Variants in SETD1B observed in about 807,000 individuals in gnomAD.
The protein encoded by SETD1B is SET domain containing 1B, histone lysine methyltransferase.
In SETD1B, 7 loss-of-function variants were observed where a neutral mutation model predicts 148.0. The observed-to-expected ratio is 0.05, with a 90% CI of 0.03 to 0.09. The LOEUF (loss-of-function observed/expected upper bound fraction) is 0.09, where lower values mean the gene tolerates loss of function less well. SETD1B is among the 10% of genes least tolerant of loss of function. The pLI is 1.00. For synonymous variants in SETD1B, 1,361 were observed against 1,186.5 expected (o/e 1.15, Z -3.02); for missense variants, 2,155 against 2,729.9 (o/e 0.79, Z 4.69).
intron 7 of SETD1B, among the ~76,000 whole-genome samples, chr12:121,816,262 T>G (rs1044960310): frequency 3.4e-5 from 5 of 147,004 alleles, no homozygotes; most frequent in African/African-American, 1.2e-4. Context: ...TCCACCCCAT[T>G]CCCCCCTGCT....
Position 121,810,007 on chromosome 12 carries a change from C to A in SETD1B, c.1062C>A (p.Phe354Leu), listed in dbSNP as rs977165817. The change falls in exon 6 of 17, where the codon TTC (phenylalanine) becomes TTA (leucine). Residue 354 changes from phenylalanine to leucine, a missense_variant. Phe to Leu is a conservative substitution (Grantham distance 22). This residue lies in a region of SETD1B where 376 missense variants were observed against 385.0 expected (regional missense o/e 0.98). Coordinates refer to ENST00000604567, the MANE Select transcript of SETD1B (RefSeq NM_001353345.2). This position sits in a 1 kb window ranked among gnomAD's most constrained non-coding sequence, Gnocchi z 7.6. ...TCCGGGGTTCCTCGGACCTCCCGTT[C>A]GGAGCAGTCGGCGGCACTGGGGGCA... ...AAFRGSSDLP[F>L]GAVGGTGGSS... 1.3e-6 allele frequency: 2 copies of A among 1,550,436 alleles called. No individual in the cohort carries two copies. The highest frequency in any genetic ancestry group is 2.4e-5 in the South Asian group (2 of 84,058).
chr12:121,822,816 C>T lies in SETD1B; in HGVS notation c.4237C>T (p.Pro1413Ser). Residue 1413 changes from proline (P) to serine (S), a missense_variant, in exon 12 of 17, where the codon CCG (proline) becomes TCG (serine). Pro to Ser is a moderately conservative substitution (Grantham distance 74). Coordinates refer to ENST00000604567, the MANE Select transcript of SETD1B (RefSeq NM_001353345.2). ...CGGCAGCCCCTTCTCCTACCCAGCC[C>T]CGTCCCCTAGCTTGAGCAGTGGGGG... ...VPGSPFSYPA[P>S]SPSLSSGGLP... 6.6e-7 allele frequency: 1 copy of T among 1,504,624 alleles called. No homozygotes were observed. The highest frequency in any genetic ancestry group is 8.9e-7 in the Non-Finnish European group (1 of 1,120,894). The allele number at this position is 1,504,624 out of a possible 1,614,324, so 93.2% of individuals were successfully genotyped here. A position where few individuals can be genotyped will look rare whatever the true frequency, so the allele number is the denominator to read the frequency against.
In SETD1B at chr12:121,819,013, G is replaced by C. The variant is rs141543853; in HGVS notation, c.3419-391G>C. 5.7e-3 allele frequency among the ~76,000 whole-genome samples: 875 copies of C among 152,306 alleles called. 7 individuals are homozygous for C. The highest frequency in any genetic ancestry group is 0.02 in the African/African-American group (838 of 41,558). On this transcript the variant is annotated intron_variant, in intron 10 of 16. Coordinates refer to ENST00000604567, the MANE Select transcript of SETD1B (RefSeq NM_001353345.2). ...TAATCCCAGCACTTTGGGAGGCTGA[G>C]GCAAGTGGATCACCTGAGGTCAGGA...
intron 13 of SETD1B, 80 bp downstream of exon 13, chr12:121,825,446 G>A: frequency 7.2e-7 from 1 of 1,383,638 alleles, no homozygotes; most frequent in Non-Finnish European, 9.7e-7. Flanking sequence ...AGGGGTGCCA[G>A]GCAGAGGGAG....
At position 121,824,979 on chromosome 12, in the gene SETD1B, CAAA is replaced by C. The variant is rs780514725; in HGVS notation, c.5171-202_5171-200del. Among the ~76,000 whole-genome samples the C allele has an allele frequency of 6.6e-4, 38 of 57,166 alleles. No individual in the cohort carries two copies. The East Asian group carries it at 0.013, about 19-fold the overall frequency. The allele number at this position is 57,166 out of a possible 152,430, so 37.5% of individuals were successfully genotyped here. A position where few individuals can be genotyped will look rare whatever the true frequency, so the allele number is the denominator to read the frequency against. On this transcript the variant is annotated intron_variant, in intron 12 of 16. Coordinates refer to ENST00000604567, the MANE Select transcript of SETD1B (RefSeq NM_001353345.2). ...GCCTGGGCAACAGGAGACCCTGTCTCAAAAAAAAAAAAAAAAAAAAAGACACCT... is the reference window on the plus strand; with the variant it reads ...GCCTGGGCAACAGGAGACCCTGTCTCAAAAAAAAAAAAAAAAAAGACACCT...
the SETD1B span, chr12:121,793,806 C>T: frequency 1.1e-4 from 60 of 537,186 alleles, no homozygotes; most frequent in Non-Finnish European, 1.8e-4. Context: ...GGTCTCAGCC[C>T]TGGGTGTGGG....
upstream of SETD1B, chr12:121,802,598 G>A (rs1377388593): frequency 6.6e-6 from 1 of 151,798 alleles, no homozygotes; most frequent in Non-Finnish European, 1.5e-5. Context: ...CCCACCCATA[G>A]AACAAAAAGA....
rs1036089171 is a variant in SETD1B at position 121,823,197 on chromosome 12, C to T, written c.4618C>T (p.Pro1540Ser). 3.2e-6 allele frequency: 5 copies of T among 1,548,668 alleles called. No individual in the cohort carries two copies. In the African/African-American group the frequency reaches 5.5e-5, roughly 17 times the overall value. ...CTTGGATGGGCCCTTGGTCCGACCA[C>T]CAGCAGGGGCCGCCCTTGGAAGGGA... ...LSLDGPLVRP[P>S]AGAALGRELL... Residue 1540 changes from proline (P) to serine (S), a missense_variant, in exon 12 of 17, where the codon CCA becomes TCA. This residue lies in a region of SETD1B where 862 missense variants were observed against 873.8 expected (regional missense o/e 0.99). Transcript: ENST00000604567.
upstream of SETD1B, chr12:121,800,791 A>C (rs1198623433): frequency 6.7e-6 from 1 of 149,096 alleles, no homozygotes; most frequent in African/African-American, 2.4e-5. Flanking sequence ...CGGCCCCCGA[A>C]ACGGCCCCCG....
Position 121,810,739 on chromosome 12 carries a change from A to G in SETD1B, c.1794A>G (p.Pro598=). ...TTGGGCCTCGGCCTCCACCTGAGCCAGGCCCCCCGGACCCTGCTGGGCTTC... is the reference window on the plus strand; with the variant it reads ...TTGGGCCTCGGCCTCCACCTGAGCCGGGCCCCCCGGACCCTGCTGGGCTTC... The part of the protein sequence containing the change: ...LGLGPRPPPE[P]GPPDPAGLLS... The change falls in exon 6 of 17, where the codon CCA becomes CCG. Residue 598 remains proline (P), a synonymous_variant. Transcript: ENST00000604567. The surrounding 1 kb of genome is among the most constrained non-coding windows in gnomAD (Gnocchi z 7.6). The G allele has an allele frequency of 6.4e-7, 1 of 1,551,146 alleles. No individual in the cohort carries two copies. Among genetic ancestry groups the G allele is most frequent in the South Asian group, 1.2e-5 (1 of 83,986 alleles).
chr12:121,820,656 C>G (rs1241245721), intron 11 of SETD1B, among the ~76,000 whole-genome samples: 1 of 152,200 alleles, frequency 6.6e-6, no homozygotes, highest in African/African-American at 2.4e-5. Flanking sequence ...GCCTCAGCCT[C>G]CAGAGTAGCT....
chr12:121,820,619 C>T lies in SETD1B; in HGVS notation c.3910+724C>T, dbSNP rs556823391. Among the ~76,000 whole-genome samples the T allele has an allele frequency of 9.2e-5, 14 of 152,170 alleles. No homozygotes were observed. In the South Asian group the frequency reaches 1.9e-3, roughly 20 times the overall value. On this transcript the variant is annotated intron_variant, in intron 11 of 16. Transcript: ENST00000604567. ...CACGATCTCGGCTCACCGCAAGCTC[C>T]GCCTCCCAGGTTCACGCCATTCTCC... is the stretch of plus-strand genomic sequence containing the variant.
At chr12:121,811,013 G>A (rs1245826879) in intron 6 of SETD1B, among the ~76,000 whole-genome samples, 178 bp downstream of exon 6, 7 of 152,266 alleles carry the variant, frequency 4.6e-5, no homozygotes, top group Non-Finnish European at 1.5e-5. Flanking sequence ...CAGGGGCTGT[G>A]ATTGAGCAAT....
chr12:121,815,060 T>G (rs1876226061), intron 7 of SETD1B, 130 bp downstream of exon 7: 1 of 845,210 alleles, frequency 1.2e-6, no homozygotes, highest in African/African-American at 1.7e-5. Flanking sequence ...GAGCTCCATT[T>G]CATGTGGCCA....
intron 10 of SETD1B, among the ~76,000 whole-genome samples, chr12:121,818,139 C>T (rs998457043): frequency 6.6e-6 from 1 of 152,126 alleles, no homozygotes; most frequent in Admixed American, 6.6e-5. Flanking sequence ...CTGGGGAGCC[C>T]GGTGTTCAGG....
chr12:121,806,598 G>T (rs945512137), intron 4 of SETD1B, among the ~76,000 whole-genome samples: 2 of 152,348 alleles, frequency 1.3e-5, no homozygotes, highest in Admixed American at 1.3e-4. Context: ...CTCTGGAAGT[G>T]GCAGCCAATC....
chr12:121,825,191 C>A lies in SETD1B; in HGVS notation c.5171-9C>A. On this transcript the variant is annotated splice_polypyrimidine_tract_variant and intron_variant, in intron 12 of 16. Coordinates refer to ENST00000604567, the MANE Select transcript of SETD1B (RefSeq NM_001353345.2). ...CAGAATGTCCATGTGGCCCTTGACC[C>A]ACACCCACCCACCAGCCTCTCTTCA... The A allele has an allele frequency of 6.4e-7, 1 of 1,551,066 alleles. No individual in the cohort carries two copies. Among genetic ancestry groups the A allele is most frequent in the South Asian group, 1.2e-5 (1 of 84,024 alleles).
rs775901873 is a variant in SETD1B at position 121,810,615 on chromosome 12, C to G, written c.1670C>G (p.Pro557Arg). Reference sequence around the variant, plus strand: ...AACTCCCAGCCAGGCTTCCGGGGCCCCACGCCCCCCTCGTCACGCCCCTCC... The same window carrying G: ...AACTCCCAGCCAGGCTTCCGGGGCCGCACGCCCCCCTCGTCACGCCCCTCC... Reference protein sequence around the residue: ...GTNSQPGFRGPTPPSSRPSST... With the variant: ...GTNSQPGFRGRTPPSSRPSST... Residue 557 changes from proline (P) to arginine (R), a missense_variant, in exon 6 of 17, where the codon CCC (proline) becomes CGC (arginine). By Grantham distance (103) the Pro-to-Arg change is moderately radical. Transcript: ENST00000604567. The surrounding 1 kb of genome is among the most constrained non-coding windows in gnomAD (Gnocchi z 7.6). 1.3e-6 allele frequency: 2 copies of G among 1,548,430 alleles called. No individual in the cohort carries two copies. The highest frequency in any genetic ancestry group is 1.7e-6 in the Non-Finnish European group (2 of 1,146,578).
rs1389030822 is a variant in SETD1B, at chr12:121,825,196, C to G, written c.5171-4C>G. On this transcript the variant is annotated splice_polypyrimidine_tract_variant and splice_region_variant and intron_variant, in intron 12 of 16. Transcript: ENST00000604567. ...TGTCCATGTGGCCCTTGACCCACAC[C>G]CACCCACCAGCCTCTCTTCAGCTAA... 18 of 1,551,204 alleles carry G rather than the reference C, an allele frequency of 1.2e-5. No individual in the cohort carries two copies. The highest frequency in any genetic ancestry group is 1.6e-5 in the Non-Finnish European group (18 of 1,146,884).
Sources: allele counts gnomAD v4.1 joint callset (sites outside exome capture counted in the v4.1 genomes callset), GRCh38; gene constraint gnomAD v4.1.1; regional missense constraint gnomAD v4.1.1; non-coding constraint Gnocchi (gnomAD v3.1); transcripts MANE v1.5; gene names NCBI Gene and HGNC (gene_info 2026-07-23, HGNC 2026-07-21).